The following MYZAP variants were observed in gnomAD, a reference collection of about 807,000 sequenced individuals.
MYZAP encodes GRINL1A complex locus upstream.
A neutral mutation model predicts 69.4 loss-of-function variants in MYZAP; 66 were observed. The ratio of observed to expected loss-of-function variants is 0.95; its 90% confidence interval spans 0.78 to 1.17. The LOEUF (loss-of-function observed/expected upper bound fraction) is 1.17. MYZAP is among the 50% of genes most tolerant of loss of function. The probability of loss-of-function intolerance (pLI) is 0.00; values close to 1 mark genes in which losing one functional copy is unlikely to be tolerated. For missense variants in MYZAP, 611 were observed against 556.2 expected, an observed-to-expected ratio of 1.10 and a Z score of -0.99; for synonymous variants, 256 against 205.9, an observed-to-expected ratio of 1.24 and a Z score of -2.09.
intron 1 of MYZAP, among the ~76,000 whole-genome samples, chr15:57,596,845 T>C (rs373098013): frequency 1.3e-5 from 2 of 152,316 alleles, no homozygotes; most frequent in East Asian, 1.9e-4. Context: ...TTGTCTCCTC[T>C]AGGAAGCCTG....
At chr15:57,648,540 A>T in intron 10 of MYZAP, 9 of 937,802 alleles carry the variant, frequency 9.6e-6, no homozygotes, top group Non-Finnish European at 1.1e-5. Flanking sequence ...CAGTTTTTTA[A>T]GCATGGGAAA....
At chr15:57,612,897 A>G (rs1201321733) in intron 2 of MYZAP, among the ~76,000 whole-genome samples, 1 of 151,648 alleles carries the variant, frequency 6.6e-6, no homozygotes, top group Non-Finnish European at 1.5e-5. Flanking sequence ...CTTCTTTCCT[A>G]CTTTCTTTTT....
intron 10 of MYZAP, among the ~76,000 whole-genome samples, chr15:57,656,883 G>A (rs2038035559): frequency 6.6e-6 from 1 of 152,182 alleles, no homozygotes; most frequent in Admixed American, 6.5e-5. Context: ...TGAAAACCAT[G>A]AGCCTTGTTA....
Position 57,647,571 on chromosome 15 carries a change from G to A in MYZAP, c.1119+8026G>A, listed in dbSNP as rs1156523940. The A allele has an allele frequency of 8.1e-6, 8 of 985,290 alleles. No individual in the cohort carries two copies. In the Admixed American group the frequency reaches 3.1e-4, roughly 38 times the overall value. The allele number at this position is 985,290 out of a possible 1,614,324, so 61.0% of individuals were successfully genotyped here. On this transcript the variant is annotated intron_variant, in intron 10 of 12. Coordinates refer to ENST00000267853, the MANE Select transcript of MYZAP (RefSeq NM_001018100.5). Reference sequence around the variant, plus strand: ...CACCCATGTAAGTCCTGCTTTCAGGGTGGTGTGCTTTCTTCTGCTTTTAGA... The same window carrying A: ...CACCCATGTAAGTCCTGCTTTCAGGATGGTGTGCTTTCTTCTGCTTTTAGA...
rs2140627067 is a variant in MYZAP at position 57,674,374 on chromosome 15, G to A, written c.1204-594G>A. 2.0e-5 allele frequency among the ~76,000 whole-genome samples: 3 copies of A among 152,266 alleles called. No homozygotes were observed. In the South Asian group the frequency reaches 6.2e-4, roughly 32 times the overall value. ...TTCAGAATGTGAATTTTAATCCCAA[G>A]GAGCTTGTTCTACTTTATATGTGTG... On this transcript the variant is annotated intron_variant, in intron 11 of 12. Transcript: ENST00000267853.
At chr15:57,603,824 G>A (rs1289718536) in intron 1 of MYZAP, among the ~76,000 whole-genome samples, 1 of 152,162 alleles carries the variant, frequency 6.6e-6, no homozygotes, top group Non-Finnish European at 1.5e-5. Flanking sequence ...AAAAAAAGTT[G>A]TGATTAAACA....
At chr15:57,595,507 G>A (rs929413780) in intron 1 of MYZAP, among the ~76,000 whole-genome samples, 2 of 152,128 alleles carry the variant, frequency 1.3e-5, no homozygotes, top group African/African-American at 4.8e-5. Flanking sequence ...ATGGAAGGTT[G>A]GTTGTGTGGC....
Position 57,665,597 on chromosome 15 carries a change from A to G in MYZAP, c.1203+4064A>G, listed in dbSNP as rs538448868. On this transcript the variant is annotated intron_variant, in intron 11 of 12. Coordinates refer to ENST00000267853, the MANE Select transcript of MYZAP (RefSeq NM_001018100.5). ...TCCAGTTCCTAGCTGTTCCCCAAGA[A>G]CACTTTAGCTGTTCTGCTTCTTGAG... Among the ~76,000 whole-genome samples the G allele has an allele frequency of 1.8e-4, 28 of 152,266 alleles. No homozygotes were observed. The South Asian group carries it at 4.6e-3, about 25-fold the overall frequency.
chr15:57,644,053 A>G (rs914405267), intron 10 of MYZAP, among the ~76,000 whole-genome samples: 4 of 152,216 alleles, frequency 2.6e-5, no homozygotes, highest in Admixed American at 6.5e-5. Flanking sequence ...GCTTTAAGAC[A>G]TGCCTGAACC....
intron 2 of MYZAP, among the ~76,000 whole-genome samples, chr15:57,617,529 A>AT (rs2035544033): frequency 6.6e-6 from 1 of 152,190 alleles, no homozygotes; most frequent in African/African-American, 2.4e-5. Flanking sequence ...TGGTCACAAC[A>AT]GGTTATGTAC....
intron 7 of MYZAP, among the ~76,000 whole-genome samples, chr15:57,633,226 A>G (rs1567218609): frequency 6.6e-6 from 1 of 152,176 alleles, no homozygotes; most frequent in Non-Finnish European, 1.5e-5. Context: ...GTATTGCATT[A>G]TGGGAGAAGG....
chr15:57,614,463 A>G (rs2035306387), intron 2 of MYZAP, among the ~76,000 whole-genome samples: 1 of 152,194 alleles, frequency 6.6e-6, no homozygotes. Context: ...AGGGGTCTGA[A>G]GGGTCAGGAA....
chr15:57,601,196 G>A (rs995030031), intron 1 of MYZAP, among the ~76,000 whole-genome samples: 3 of 152,086 alleles, frequency 2.0e-5, no homozygotes, highest in South Asian at 4.1e-4. Context: ...TAACTTTCCC[G>A]TAGACACACA....
chr15:57,610,430 A>T (rs1488561692), intron 2 of MYZAP, among the ~76,000 whole-genome samples: 1 of 152,146 alleles, frequency 6.6e-6, no homozygotes, highest in Non-Finnish European at 1.5e-5. Flanking sequence ...GCCATGATTC[A>T]GAGCTTCAGG....
At chr15:57,646,639 A>T in intron 10 of MYZAP, 1 of 994,144 alleles carries the variant, frequency 1.0e-6, no homozygotes, top group African/African-American at 1.7e-5. Flanking sequence ...CTCCCACCAG[A>T]TCACCCCCAA....
At chr15:57,604,420 A>G (rs1029774477) in intron 2 of MYZAP, 65 bp downstream of exon 2, 20 of 1,577,006 alleles carry the variant, frequency 1.3e-5, no homozygotes, top group Admixed American at 1.0e-4. Flanking sequence ...CCACTCTCCC[A>G]TCTCCTAACC....
At chr15:57,646,108 C>G (rs2037431648) in intron 10 of MYZAP, 1 of 1,279,432 alleles carries the variant, frequency 7.8e-7, no homozygotes, top group African/African-American at 1.5e-5. Context: ...AGCCCACAAA[C>G]CTAATCCACT....
In MYZAP at chr15:57,647,496, T is replaced by TA. The variant is rs1452232272; in HGVS notation, c.1119+7957dup. 3.0e-6 allele frequency: 3 copies of TA among 985,346 alleles called. No individual in the cohort carries two copies. The African/African-American group carries it at 5.2e-5, about 17-fold the overall frequency. 61.0% of individuals were successfully genotyped at this position (985,346 alleles called of 1,614,324 possible). ...GCAGCATTGATTCATTGCCAAGTTT[T>TA]AAAAAAGGAAATAATTAAGAGAATG... On this transcript the variant is annotated intron_variant, in intron 10 of 12. Transcript: ENST00000267853.
intron 10 of MYZAP, among the ~76,000 whole-genome samples, chr15:57,651,706 G>C (rs561971823): frequency 1.1e-4 from 16 of 152,340 alleles, no homozygotes; most frequent in African/African-American, 3.6e-4. Flanking sequence ...TCATGGTCTG[G>C]TGGGGATAAC....
Sources: gnomAD v4.1 joint callset for allele counts (sites outside exome capture counted in the v4.1 genomes callset) on GRCh38, gnomAD v4.1.1 for gene constraint, MANE v1.5 for transcripts, NCBI Gene and HGNC (gene_info 2026-07-23, HGNC 2026-07-21) for gene names.